The following PLXDC2 variants were observed in gnomAD, a reference collection of about 807,000 sequenced individuals.
PLXDC2 encodes plexin domain-containing protein 2.
PLXDC2 carries 40 observed loss-of-function variants against 68.9 expected under a neutral mutation model. The observed-to-expected ratio is 0.58, with a 90% CI of 0.45 to 0.76. PLXDC2 has a LOEUF of 0.76. PLXDC2 is among the 30% of genes least tolerant of loss of function. PLXDC2 has a pLI of 0.00. For missense variants in PLXDC2, 644 were observed against 661.9 expected, an observed-to-expected ratio of 0.97 and a Z score of 0.30; for synonymous variants, 243 against 234.2, an observed-to-expected ratio of 1.04 and a Z score of -0.34.
intron 1 of PLXDC2, among the ~76,000 whole-genome samples, chr10:20,001,261 G>A (rs902144028): frequency 3.3e-5 from 5 of 152,178 alleles, no homozygotes; most frequent in South Asian, 2.1e-4. Context: ...CCATTTACAC[G>A]AAGACAATTT....
intron 4 of PLXDC2, among the ~76,000 whole-genome samples, chr10:20,094,550 T>G (rs1290364445): frequency 1.2e-5 from 1 of 82,830 alleles, no homozygotes; most frequent in Non-Finnish European, 2.1e-5. Flanking sequence ...AGTTTGTTTT[T>G]CATTATTTTT....
At chr10:19,845,104 G>A (rs1023184052) in intron 1 of PLXDC2, among the ~76,000 whole-genome samples, 2 of 152,084 alleles carry the variant, frequency 1.3e-5, no homozygotes, top group African/African-American at 4.8e-5. Flanking sequence ...ATAGGGAGTT[G>A]CCCACCCCCA....
intron 1 of PLXDC2, among the ~76,000 whole-genome samples, chr10:19,922,388 G>A (rs1564629623): frequency 6.6e-6 from 1 of 152,194 alleles, no homozygotes; most frequent in Non-Finnish European, 1.5e-5. Context: ...GAGGCAGTGA[G>A]ACACACATCA....
intron 1 of PLXDC2, among the ~76,000 whole-genome samples, chr10:19,906,424 A>G (rs963051396): frequency 5.3e-5 from 8 of 152,356 alleles, no homozygotes; most frequent in Admixed American, 5.2e-4. Context: ...TTATGCAGAA[A>G]TAAACAGGTG....
At chr10:19,893,888 G>A (rs1838009492) in intron 1 of PLXDC2, among the ~76,000 whole-genome samples, 1 of 152,194 alleles carries the variant, frequency 6.6e-6, no homozygotes, top group Non-Finnish European at 1.5e-5. Flanking sequence ...GAAGGAATCT[G>A]TATATTCATG....
At chr10:19,944,780 G>A (rs1221402217) in intron 1 of PLXDC2, among the ~76,000 whole-genome samples, 3 of 152,034 alleles carry the variant, frequency 2.0e-5, no homozygotes, top group African/African-American at 7.2e-5. Flanking sequence ...ATGAAACCCC[G>A]TTTCTACTAA....
intron 1 of PLXDC2, among the ~76,000 whole-genome samples, chr10:19,828,302 T>C (rs1836613958): frequency 1.3e-5 from 2 of 152,226 alleles, no homozygotes; most frequent in Non-Finnish European, 1.5e-5. Flanking sequence ...CCATTGGAGA[T>C]TTACTTTGAA....
At chr10:20,175,089 A>G (rs1362237800) in intron 7 of PLXDC2, among the ~76,000 whole-genome samples, 3 of 152,176 alleles carry the variant, frequency 2.0e-5, no homozygotes, top group African/African-American at 7.2e-5. Context: ...TTGGATCTAT[A>G]GAGATTATAT....
rs140372020 is a variant in PLXDC2 at position 19,955,769 on chromosome 10, C to A, written c.113-46006C>A. ...GCTCTCCTCCTTTGACCTGTCATGGCACTTCATTTAAAATTTTGAAACATT... is the reference window on the plus strand; with the variant it reads ...GCTCTCCTCCTTTGACCTGTCATGGAACTTCATTTAAAATTTTGAAACATT... On this transcript the variant is annotated intron_variant, in intron 1 of 13. Coordinates refer to ENST00000377252, the MANE Select transcript of PLXDC2 (RefSeq NM_032812.9). Among the ~76,000 whole-genome samples the A allele has an allele frequency of 1.8e-3, 267 of 152,222 alleles. 2 individuals are homozygous for A. The highest frequency in any genetic ancestry group is 6.2e-3 in the African/African-American group (259 of 41,542).
At chr10:19,973,306 ATACTCACATATATATGTATACATATATAT>A (rs1268330133) in intron 1 of PLXDC2, among the ~76,000 whole-genome samples, 7 of 140,002 alleles carry the variant, frequency 5.0e-5, no homozygotes, top group African/African-American at 1.5e-4. Context: ...GTATATATAT[ATACTCACATATATATGTATACATATATAT>A]GTGTATATAT....
At chr10:19,818,057 A>T (rs1836389790) in intron 1 of PLXDC2, among the ~76,000 whole-genome samples, 1 of 152,162 alleles carries the variant, frequency 6.6e-6, no homozygotes, top group Non-Finnish European at 1.5e-5. Flanking sequence ...TTCAGTGAAG[A>T]AAGTGAAGAC....
intron 9 of PLXDC2, among the ~76,000 whole-genome samples, chr10:20,195,477 G>T (rs1294659562): frequency 6.6e-6 from 1 of 152,042 alleles, no homozygotes; most frequent in African/African-American, 2.4e-5. Context: ...GGCAGTTGTT[G>T]GTTGCCCTTC....
intron 4 of PLXDC2, among the ~76,000 whole-genome samples, chr10:20,087,025 T>C (rs993279955): frequency 3.9e-5 from 6 of 152,198 alleles, no homozygotes; most frequent in Non-Finnish European, 1.5e-5. Flanking sequence ...AAGGAATTCC[T>C]GTGAGCCCCT....
At chr10:19,975,635 A>T (rs1834442796) in intron 1 of PLXDC2, among the ~76,000 whole-genome samples, 1 of 152,168 alleles carries the variant, frequency 6.6e-6, no homozygotes, top group Non-Finnish European at 1.5e-5. Context: ...TTCAGATATT[A>T]TGAATTCCTG....
intron 2 of PLXDC2, among the ~76,000 whole-genome samples, chr10:20,031,775 G>A (rs1030600009): frequency 6.6e-6 from 1 of 151,812 alleles, no homozygotes; most frequent in African/African-American, 2.4e-5. Context: ...CTATAATACA[G>A]AATTGGACAC....
At position 20,281,749 on chromosome 10, in the gene PLXDC2, T is replaced by C. The variant is rs1836084632; in HGVS notation, c.*1930T>C. The C allele has an allele frequency of 6.6e-6, 1 of 152,146 alleles. No individual in the cohort carries two copies. The highest frequency in any genetic ancestry group is 1.5e-5 in the Non-Finnish European group (1 of 68,006). 9.4% of individuals were successfully genotyped at this position (152,146 alleles called of 1,614,324 possible). On this transcript the variant is annotated 3_prime_UTR_variant, in exon 14 of 14. Coordinates refer to ENST00000377252, the MANE Select transcript of PLXDC2 (RefSeq NM_032812.9). ...TATGTGAAGTATCCCCACTTATTCT[T>C]GTGGAGCAGGTTTGGTGAGACAGCA...
At chr10:20,088,447 T>C (rs1032653438) in intron 4 of PLXDC2, among the ~76,000 whole-genome samples, 1 of 152,206 alleles carries the variant, frequency 6.6e-6, no homozygotes, top group Non-Finnish European at 1.5e-5. Flanking sequence ...GGGATAACTA[T>C]GATTTCATAA....
intron 1 of PLXDC2, among the ~76,000 whole-genome samples, chr10:19,975,714 C>G (rs1243268898): frequency 6.6e-6 from 1 of 152,110 alleles, no homozygotes; most frequent in Admixed American, 6.5e-5. Flanking sequence ...GATTTACTGT[C>G]TGATTTTGGT....
At position 19,944,975 on chromosome 10, in the gene PLXDC2, A is replaced by AC. The variant is rs1564635439; in HGVS notation, c.113-56800_113-56799insC. 4.5e-3 allele frequency among the ~76,000 whole-genome samples: 689 copies of AC among 152,188 alleles called. 5 individuals carry two copies. Among genetic ancestry groups the AC allele is most frequent in the African/African-American group, 0.016 (663 of 41,534 alleles). On this transcript the variant is annotated intron_variant, in intron 1 of 13. Transcript: ENST00000377252. ...CTCAAACAAAACAAAACAAAACAAA[A>AC]AAAGAAACAGAAGCATTGGTTACTG...
Sources: gnomAD v4.1 joint callset for allele counts (sites outside exome capture counted in the v4.1 genomes callset) on GRCh38, gnomAD v4.1.1 for gene constraint, MANE v1.5 for transcripts, NCBI Gene and HGNC (gene_info 2026-07-23, HGNC 2026-07-21) for gene names.